The following SUGCT variants were observed in gnomAD, a reference collection of about 807,000 sequenced individuals.
SUGCT encodes the protein succinyl-CoA:glutarate-CoA transferase.
A neutral mutation model predicts 55.0 loss-of-function variants in SUGCT; 41 were observed. That is an observed-to-expected ratio of 0.74 (90% CI 0.58 to 0.97). SUGCT has a LOEUF of 0.97. Among genes scored for constraint, SUGCT ranks in the 50% least tolerant of loss-of-function variants. The pLI, the probability that SUGCT is intolerant of heterozygous loss-of-function variation, is 0.00. For missense variants in SUGCT, 568 were observed against 547.8 expected (o/e 1.04, Z -0.37); for synonymous variants, 187 against 200.4 (o/e 0.93, Z 0.56).
chr7:40,935,186 A>G, the SUGCT span, among the ~76,000 whole-genome samples: 1 of 152,238 alleles, frequency 6.6e-6, no homozygotes, highest in African/African-American at 2.4e-5. Flanking sequence ...TCTGCTCACT[A>G]GCTTCAGGTA....
chr7:40,861,792 T>C (rs1794490553), downstream of SUGCT, among the ~76,000 whole-genome samples: 1 of 152,242 alleles, frequency 6.6e-6, no homozygotes, highest in Admixed American at 6.5e-5. Flanking sequence ...AAACAGTTAT[T>C]GTCTTCTCTG....
chr7:40,150,169 C>T (rs921264436), intron 1 of SUGCT, among the ~76,000 whole-genome samples: 2 of 152,190 alleles, frequency 1.3e-5, no homozygotes, highest in African/African-American at 4.8e-5. Flanking sequence ...CTCCTAAGAT[C>T]AGTGCTTGAG....
At chr7:40,497,244 T>A (rs996759962) in intron 12 of SUGCT, among the ~76,000 whole-genome samples, 1 of 152,188 alleles carries the variant, frequency 6.6e-6, no homozygotes, top group African/African-American at 2.4e-5. Context: ...GGCAGGTTTT[T>A]CTTAGAAATA....
chr7:40,364,952 A>G (rs1027959851), intron 9 of SUGCT, among the ~76,000 whole-genome samples: 4 of 152,160 alleles, frequency 2.6e-5, no homozygotes, highest in African/African-American at 9.7e-5. Flanking sequence ...GGGCAGAGAC[A>G]CAACCAAAAA....
chr7:40,407,241 C>G (rs1339090217), intron 9 of SUGCT, among the ~76,000 whole-genome samples: 4 of 151,790 alleles, frequency 2.6e-5, no homozygotes, highest in Admixed American at 2.6e-4. Context: ...AAAATTTTAC[C>G]CTGATTGGCT....
the SUGCT span, among the ~76,000 whole-genome samples, chr7:40,866,841 C>G: frequency 2.0e-5 from 3 of 152,038 alleles, no homozygotes; most frequent in Non-Finnish European, 2.9e-5. Context: ...AACTCACTGA[C>G]AAACCACGGA....
chr7:40,591,912 A>C (rs1476432192), intron 12 of SUGCT, among the ~76,000 whole-genome samples: 1 of 152,200 alleles, frequency 6.6e-6, no homozygotes, highest in Admixed American at 6.5e-5. Flanking sequence ...GAAACCACAA[A>C]ATTCATGTGA....
intron 9 of SUGCT, among the ~76,000 whole-genome samples, chr7:40,435,434 G>A (rs910010834): frequency 1.3e-5 from 2 of 152,100 alleles, no homozygotes; most frequent in East Asian, 1.9e-4. Context: ...TATGCTTACA[G>A]TTTTGCCACC....
chr7:40,766,582 A>G (rs1788802971), intron 13 of SUGCT, among the ~76,000 whole-genome samples: 1 of 152,232 alleles, frequency 6.6e-6, no homozygotes, highest in Non-Finnish European at 1.5e-5. Flanking sequence ...TCCTAATAGA[A>G]ATTGTAAACT....
At chr7:41,021,897 G>C in the SUGCT span, among the ~76,000 whole-genome samples, 1 of 152,014 alleles carries the variant, frequency 6.6e-6, no homozygotes, top group African/African-American at 2.4e-5. Flanking sequence ...AAATAACCTA[G>C]AATGCAGCAT....
chr7:40,480,234 G>C (rs966610112), intron 11 of SUGCT, among the ~76,000 whole-genome samples: 3 of 152,008 alleles, frequency 2.0e-5, no homozygotes, highest in African/African-American at 7.3e-5. Flanking sequence ...TCTTCTGCCT[G>C]TGGATATATA....
chr7:40,882,307 G>A, the SUGCT span, among the ~76,000 whole-genome samples: 28 of 152,332 alleles, frequency 1.8e-4, no homozygotes, highest in East Asian at 1.7e-3. Flanking sequence ...AAATGACCCA[G>A]TTGTTCTGTG....
the SUGCT span, among the ~76,000 whole-genome samples, chr7:40,916,532 T>G: frequency 6.6e-6 from 1 of 152,220 alleles, no homozygotes; most frequent in South Asian, 2.1e-4. Flanking sequence ...TGAAAAGAGA[T>G]AAACTGAATC....
the SUGCT span, among the ~76,000 whole-genome samples, chr7:40,957,159 G>A: frequency 6.6e-6 from 1 of 152,160 alleles, no homozygotes; most frequent in East Asian, 1.9e-4. Flanking sequence ...CTGAGTTCAA[G>A]TCCTGAATAT....
At chr7:40,155,962 A>G (rs1783872388) in intron 1 of SUGCT, among the ~76,000 whole-genome samples, 1 of 150,306 alleles carries the variant, frequency 6.7e-6, no homozygotes, top group African/African-American at 2.5e-5. Context: ...GGTTCAAGCC[A>G]TTCTCCTGCC....
chr7:40,388,740 T>C (rs1219172158), intron 9 of SUGCT, among the ~76,000 whole-genome samples: 1 of 152,190 alleles, frequency 6.6e-6, no homozygotes, highest in Admixed American at 6.5e-5. Context: ...TTTAAAATGT[T>C]AGCAGATGTT....
rs962071757 is a variant in SUGCT at position 40,737,972 on chromosome 7, C to G, written c.1090-11462C>G. Reference sequence around the variant, plus strand: ...GGGCGCAGAGGCTCATGCCTATAATCGCGCAGATCACGAGGTCAGGAGATC... The same window carrying G: ...GGGCGCAGAGGCTCATGCCTATAATGGCGCAGATCACGAGGTCAGGAGATC... On this transcript the variant is annotated intron_variant, in intron 12 of 13. Transcript: ENST00000335693. 4.6e-5 allele frequency among the ~76,000 whole-genome samples: 7 copies of G among 151,534 alleles called. No individual in the cohort carries two copies. The East Asian group carries it at 1.2e-3, about 25-fold the overall frequency.
chr7:40,135,389 TGG>T (rs1178770580), intron 1 of SUGCT, among the ~76,000 whole-genome samples: 2 of 152,248 alleles, frequency 1.3e-5, no homozygotes, highest in African/African-American at 4.8e-5. Context: ...GGCTCGCGTT[TGG>T]GGCCTCTTTA....
At position 40,763,203 on chromosome 7, in the gene SUGCT, C is replaced by T. The variant is rs547390362; in HGVS notation, c.1153+13706C>T. On this transcript the variant is annotated intron_variant, in intron 13 of 13. Coordinates refer to ENST00000335693, the MANE Select transcript of SUGCT (RefSeq NM_001193313.2). Reference sequence around the variant, plus strand: ...CCACAATAAGGCTAGTTGTAGGGCACACCTGATAACACTCGCTAACACTTA... The same window carrying T: ...CCACAATAAGGCTAGTTGTAGGGCATACCTGATAACACTCGCTAACACTTA... Among the ~76,000 whole-genome samples the T allele has an allele frequency of 8.5e-5, 13 of 152,282 alleles. No individual in the cohort carries two copies. The South Asian group carries it at 1.5e-3, about 17-fold the overall frequency.
Sources: gnomAD v4.1 joint callset for allele counts (sites outside exome capture counted in the v4.1 genomes callset) on GRCh38, gnomAD v4.1.1 for gene constraint, MANE v1.5 for transcripts, NCBI Gene and HGNC (gene_info 2026-07-23, HGNC 2026-07-21) for gene names.